NCAM2: variants seen among roughly 807,000 people sequenced by gnomAD.
The protein encoded by NCAM2 is N-CAM-2.
A neutral mutation model predicts 98.1 loss-of-function variants in NCAM2; 30 were observed. The observed-to-expected ratio is 0.31, with a 90% CI of 0.23 to 0.41. NCAM2 has a LOEUF of 0.41. Ranked by LOEUF, NCAM2 falls within the 10% of genes least tolerant of loss-of-function variation. The probability of loss-of-function intolerance (pLI) is 1.00; values close to 1 mark genes in which losing one functional copy is unlikely to be tolerated. For missense variants in NCAM2, 867 were observed against 1,005.8 expected (o/e 0.86, Z 1.87); for synonymous variants, 368 against 342.4 (o/e 1.07, Z -0.83).
intron 12 of NCAM2, among the ~76,000 whole-genome samples, chr21:21,435,594 C>A (rs1441861174): frequency 4.6e-5 from 7 of 152,134 alleles, no homozygotes. Context: ...TTTAACTCTG[C>A]AGGAGGTGCC....
intron 1 of NCAM2, among the ~76,000 whole-genome samples, chr21:21,243,827 A>G (rs537343498): frequency 6.6e-6 from 1 of 152,334 alleles, no homozygotes; most frequent in Admixed American, 6.5e-5. Context: ...GGTCCTATTC[A>G]AGGAAGGTCC....
At chr21:21,125,784 C>T (rs1399158920) in intron 1 of NCAM2, among the ~76,000 whole-genome samples, 1 of 148,220 alleles carries the variant, frequency 6.7e-6, no homozygotes, top group African/African-American at 2.5e-5. Flanking sequence ...AACAAACCTA[C>T]TTTTCAAAAT....
intron 16 of NCAM2, among the ~76,000 whole-genome samples, chr21:21,509,622 C>A (rs999426668): frequency 6.6e-6 from 1 of 152,026 alleles, no homozygotes; most frequent in Non-Finnish European, 1.5e-5. Flanking sequence ...GAATTTGGAG[C>A]TCTCTGTGTA....
At chr21:21,263,686 A>C (rs2072012504) in intron 1 of NCAM2, among the ~76,000 whole-genome samples, 2 of 152,150 alleles carry the variant, frequency 1.3e-5, no homozygotes, top group African/African-American at 4.8e-5. Context: ...CAGAATAGAC[A>C]ATGCAAAAAT....
chr21:21,262,564 A>C (rs2071947197), intron 1 of NCAM2, among the ~76,000 whole-genome samples: 2 of 151,268 alleles, frequency 1.3e-5, no homozygotes, highest in African/African-American at 2.4e-5. Flanking sequence ...AAAAGTTGAA[A>C]GAATTTCCCT....
intron 15 of NCAM2, among the ~76,000 whole-genome samples, chr21:21,480,266 C>T (rs1237074504): frequency 1.3e-5 from 2 of 149,084 alleles, no homozygotes; most frequent in African/African-American, 5.0e-5. Flanking sequence ...ACTCGGGAGG[C>T]TGAGGCAGGA....
chr21:21,306,065 G>A (rs149640318), intron 5 of NCAM2, among the ~76,000 whole-genome samples: 2 of 152,206 alleles, frequency 1.3e-5, no homozygotes, highest in East Asian at 1.9e-4. Context: ...AGATAGTTCT[G>A]TCATGAATTT....
chr21:21,193,193 C>T (rs2068882116), intron 1 of NCAM2, among the ~76,000 whole-genome samples: 2 of 152,054 alleles, frequency 1.3e-5, no homozygotes, highest in South Asian at 4.1e-4. Context: ...CAGTCTGCAT[C>T]CATAATAAGC....
intron 5 of NCAM2, among the ~76,000 whole-genome samples, chr21:21,317,817 G>A (rs967743435): frequency 2.0e-5 from 3 of 152,046 alleles, no homozygotes; most frequent in African/African-American, 7.2e-5. Context: ...TTACAGGTGC[G>A]AGCCACCAGG....
chr21:21,041,899 AG>A (rs916621569), intron 1 of NCAM2, among the ~76,000 whole-genome samples: 7 of 152,194 alleles, frequency 4.6e-5, no homozygotes, highest in African/African-American at 1.7e-4. Flanking sequence ...TGGTATATCA[AG>A]AATATGAGAC....
At chr21:21,380,872 T>C (rs1006106231) in intron 9 of NCAM2, among the ~76,000 whole-genome samples, 3 of 152,270 alleles carry the variant, frequency 2.0e-5, no homozygotes, top group South Asian at 2.1e-4. Context: ...TTTGTGTCTT[T>C]ATGAATATCC....
chr21:21,144,497 C>G (rs567177934), intron 1 of NCAM2, among the ~76,000 whole-genome samples: 1 of 152,144 alleles, frequency 6.6e-6, no homozygotes, highest in South Asian at 2.1e-4. Context: ...CAATGAAATT[C>G]AGATACATGG....
Position 21,357,298 on chromosome 21 carries a change from G to A in NCAM2, c.1045-16565G>A, listed in dbSNP as rs2075517566. 2.0e-5 allele frequency among the ~76,000 whole-genome samples: 3 copies of A among 151,820 alleles called. No individual in the cohort carries two copies. The South Asian group carries it at 6.2e-4, about 31-fold the overall frequency. On this transcript the variant is annotated intron_variant, in intron 8 of 17. Transcript: ENST00000400546. ...AACTCTATCACCAAAATATCTCCTC[G>A]TAATTTGTTTCAGGCTGACAAAAAT...
At chr21:21,344,255 G>T (rs2075127551) in intron 8 of NCAM2, among the ~76,000 whole-genome samples, 1 of 152,126 alleles carries the variant, frequency 6.6e-6, no homozygotes, top group African/African-American at 2.4e-5. Context: ...CAGGTACTAC[G>T]TCAAGGGCTT....
intron 5 of NCAM2, among the ~76,000 whole-genome samples, chr21:21,319,815 G>A (rs567686462): frequency 6.6e-5 from 10 of 152,102 alleles, no homozygotes; most frequent in East Asian, 1.9e-4. Context: ...GGAGAAAAGC[G>A]TAATTATGAA....
At chr21:21,399,739 A>G (rs1403136960) in intron 9 of NCAM2, among the ~76,000 whole-genome samples, 3 of 152,124 alleles carry the variant, frequency 2.0e-5, no homozygotes, top group Admixed American at 1.3e-4. Flanking sequence ...AGCCTGTGTT[A>G]TGCTTTATTA....
At chr21:21,480,862 A>G (rs1985814577) in intron 15 of NCAM2, among the ~76,000 whole-genome samples, 1 of 152,242 alleles carries the variant, frequency 6.6e-6, no homozygotes, top group East Asian at 1.9e-4. Context: ...TGCTTGGGCA[A>G]CTAGAACATT....
chr21:21,223,173 A>G (rs1274594634), intron 1 of NCAM2: 5 of 152,194 alleles, frequency 3.3e-5, no homozygotes, highest in Non-Finnish European at 1.5e-5. Context: ...TAAATGTCAT[A>G]TTGTATTGAA....
intron 1 of NCAM2, among the ~76,000 whole-genome samples, chr21:21,261,772 A>G (rs907394180): frequency 4.6e-5 from 7 of 152,152 alleles, no homozygotes; most frequent in Non-Finnish European, 8.8e-5. Flanking sequence ...AAGATCTCAA[A>G]TTTACAACCT....
Sources: allele counts gnomAD v4.1 joint callset (sites outside exome capture counted in the v4.1 genomes callset), GRCh38; gene constraint gnomAD v4.1.1; transcripts MANE v1.5; gene names NCBI Gene and HGNC (gene_info 2026-07-23, HGNC 2026-07-21).